Variants in CSMD3 observed in about 807,000 individuals in gnomAD.
CSMD3 encodes CUB and Sushi multiple domains 3, also known as CUB and sushi domain-containing protein 3.
Under a neutral mutation model 435.2 loss-of-function variants are expected in CSMD3, and 177 were observed. That is an observed-to-expected ratio of 0.41 (90% CI 0.36 to 0.46). CSMD3 has a LOEUF of 0.46. Among genes scored for constraint, CSMD3 ranks in the 20% least tolerant of loss-of-function variants. CSMD3 has a pLI of 0.34. For synonymous variants in CSMD3, 1,656 were observed against 1,520.5 expected (o/e 1.09, Z -2.07); for missense variants, 4,265 against 4,504.6 (o/e 0.95, Z 1.52).
rs1221085353 is a variant in CSMD3 at position 112,953,882 on chromosome 8, GA to G, written c.1420+801del. Among the ~76,000 whole-genome samples the G allele has an allele frequency of 3.1e-4, 47 of 151,396 alleles. 1 individual carries two copies. Among genetic ancestry groups the G allele is most frequent in the Non-Finnish European group, 1.5e-5 (1 of 67,462 alleles). ...AAAAGTAACAACATGTATGAAATTT[GA>G]AATAACTACTTATATATTAGCAATG... On this transcript the variant is annotated intron_variant, in intron 8 of 70. Transcript: ENST00000297405.
intron 1 of CSMD3, among the ~76,000 whole-genome samples, chr8:113,342,838 T>C (rs1230892431): frequency 6.6e-6 from 1 of 151,704 alleles, no homozygotes; most frequent in African/African-American, 2.4e-5. Context: ...GATAACAGAA[T>C]CCAAAGTCTG....
intron 5 of CSMD3, among the ~76,000 whole-genome samples, chr8:113,049,577 A>G (rs1413143704): frequency 6.6e-6 from 1 of 152,182 alleles, no homozygotes; most frequent in East Asian, 1.9e-4. Context: ...AGACACACAC[A>G]AAAAAGCAGA....
intron 4 of CSMD3, among the ~76,000 whole-genome samples, chr8:113,153,139 G>GAAGGA (rs2091861608): frequency 8.5e-6 from 1 of 117,262 alleles, no homozygotes; most frequent in African/African-American, 4.6e-5. Context: ...AAGAAGGAAG[G>GAAGGA]AAGGAAGGAA....
chr8:112,476,441 C>T (rs1367738742), intron 31 of CSMD3, among the ~76,000 whole-genome samples: 1 of 152,098 alleles, frequency 6.6e-6, no homozygotes, highest in Non-Finnish European at 1.5e-5. Flanking sequence ...AAATGAAGGA[C>T]TTGAGACTTT....
chr8:113,013,475 C>T (rs1473375980), intron 6 of CSMD3, among the ~76,000 whole-genome samples: 3 of 152,006 alleles, frequency 2.0e-5, no homozygotes, highest in East Asian at 1.9e-4. Flanking sequence ...CAAATGAGAT[C>T]GGGCGAGTTA....
intron 38 of CSMD3, among the ~76,000 whole-genome samples, chr8:112,366,015 AC>A (rs1827754643): frequency 1.3e-5 from 2 of 152,174 alleles, no homozygotes; most frequent in Non-Finnish European, 2.9e-5. Context: ...TAGGATCAAG[AC>A]CCTGAAGCAT....
At chr8:113,400,091 G>A (rs142766384) in intron 1 of CSMD3, among the ~76,000 whole-genome samples, 186 of 151,996 alleles carry the variant, frequency 1.2e-3, no homozygotes, top group African/African-American at 4.0e-3. Flanking sequence ...GATTAGCCAA[G>A]TTTGTATGCA....
chr8:113,101,233 G>T (rs767503241), intron 4 of CSMD3, among the ~76,000 whole-genome samples: 4 of 151,958 alleles, frequency 2.6e-5, no homozygotes, highest in Non-Finnish European at 5.9e-5. Context: ...TCATGCTATG[G>T]GTATAGAACA....
At chr8:113,120,368 C>T (rs907250392) in intron 4 of CSMD3, among the ~76,000 whole-genome samples, 4 of 151,868 alleles carry the variant, frequency 2.6e-5, no homozygotes, top group Admixed American at 6.6e-5. Flanking sequence ...AAATATTGTC[C>T]TTCAATGATA....
At chr8:112,503,156 A>G (rs1822149546) in intron 30 of CSMD3, among the ~76,000 whole-genome samples, 1 of 152,166 alleles carries the variant, frequency 6.6e-6, no homozygotes, top group Admixed American at 6.5e-5. Context: ...ATCATATCTC[A>G]CTGCAGCCTT....
chr8:113,026,188 G>A (rs60838519), intron 5 of CSMD3, among the ~76,000 whole-genome samples: 14,635 of 152,144 alleles, frequency 0.096, 1,062 homozygotes, highest in African/African-American at 0.2. Context: ...TGTCGGGAAC[G>A]GGGACTGCTG....
chr8:112,249,233 TC>T (rs1215575821), intron 63 of CSMD3, among the ~76,000 whole-genome samples: 1 of 152,038 alleles, frequency 6.6e-6, no homozygotes, highest in Non-Finnish European at 1.5e-5. Flanking sequence ...ACCTTCTAAA[TC>T]CTTTTCAAAG....
Position 112,337,664 on chromosome 8 carries a change from A to G in CSMD3, c.6720T>C (p.Phe2240=), listed in dbSNP as rs1008391313. 1.2e-6 allele frequency: 2 copies of G among 1,613,488 alleles called. No individual in the cohort carries two copies. Among genetic ancestry groups the G allele is most frequent in the African/African-American group, 2.7e-5 (2 of 74,928 alleles). ...CAAATGAAATGGTTTGACCCACAGT[A>G]AAATCATTACCAATTACAAAACCAT... The part of the protein sequence containing the change: ...FRNGFVIGND[F]TVGQTISFEC... Residue 2240 remains phenylalanine (F), a synonymous_variant, in exon 43 of 71, where the codon TTT becomes TTC. Coordinates refer to ENST00000297405, the MANE Select transcript of CSMD3 (RefSeq NM_198123.2).
intron 12 of CSMD3, among the ~76,000 whole-genome samples, chr8:112,817,046 G>A (rs560601469): frequency 6.6e-6 from 1 of 152,018 alleles, no homozygotes; most frequent in African/African-American, 2.4e-5. Flanking sequence ...TCTTTAAGAT[G>A]TTTGCTCAAT....
At position 112,785,222 on chromosome 8, in the gene CSMD3, T is replaced by C. The variant is rs1020126003; in HGVS notation, c.1972+14940A>G. On this transcript the variant is annotated intron_variant, in intron 13 of 70. Transcript: ENST00000297405. ...GATAAAATTCAACATCCTTTCATGA[T>C]AAAAACCCACAAAAATGAGTATAGA... 2.6e-5 allele frequency among the ~76,000 whole-genome samples: 4 copies of C among 151,860 alleles called. No individual in the cohort carries two copies. The East Asian group carries it at 5.8e-4, about 22-fold the overall frequency.
At chr8:112,409,371 T>A (rs1003329149) in intron 32 of CSMD3, among the ~76,000 whole-genome samples, 2 of 151,964 alleles carry the variant, frequency 1.3e-5, no homozygotes, top group Non-Finnish European at 2.9e-5. Context: ...AATGGTGGTT[T>A]GATTCTTTTC....
Position 112,263,668 on chromosome 8 carries a change from G to T in CSMD3, c.9833C>A (p.Thr3278Asn), listed in dbSNP as rs747930113. ...PAVLTCVGNG[T>N]WSGEVPQCLP... ...GCACTGCGGTACTTCACCACTCCAG[G>T]TACCATTCCCTACACAGGTCAAAAC... The change falls in exon 61 of 71, where the codon ACC (threonine) becomes AAC (asparagine). Residue 3278 changes from threonine (T) to asparagine (N), a missense_variant. Transcript: ENST00000297405. 7.4e-6 allele frequency: 12 copies of T among 1,613,472 alleles called. No homozygotes were observed. The highest frequency in any genetic ancestry group is 4.2e-6 in the Non-Finnish European group (5 of 1,179,686).
rs565549415 is a variant in CSMD3, at chr8:113,273,291, T to TA, written c.514+5300dup. ...CTAACGCTAAACATTTTGAATACAT[T>TA]AAAAAAAAACCTCAGCTCTAATAAA... On this transcript the variant is annotated intron_variant, in intron 3 of 70. Transcript: ENST00000297405. 1.3e-4 allele frequency among the ~76,000 whole-genome samples: 19 copies of TA among 151,240 alleles called. No individual in the cohort carries two copies. The Middle Eastern group carries it at 0.01, about 82-fold the overall frequency.
intron 22 of CSMD3, among the ~76,000 whole-genome samples, chr8:112,592,489 CT>C (rs1831278504): frequency 6.6e-6 from 1 of 151,920 alleles, no homozygotes; most frequent in African/African-American, 2.4e-5. Flanking sequence ...TTCATAGCTA[CT>C]TTTTCCCCTT....
Sources: gnomAD v4.1 joint callset for allele counts (sites outside exome capture counted in the v4.1 genomes callset) on GRCh38, gnomAD v4.1.1 for gene constraint, MANE v1.5 for transcripts, NCBI Gene and HGNC (gene_info 2026-07-23, HGNC 2026-07-21) for gene names.